CR1: variants seen among roughly 807,000 people sequenced by gnomAD.
CR1 encodes the protein complement receptor type 1.
A neutral mutation model predicts 187.3 loss-of-function variants in CR1; 116 were observed. The ratio of observed to expected loss-of-function variants is 0.62; its 90% CI spans 0.53 to 0.72. The LOEUF is 0.72. CR1 is among the 30% of genes least tolerant of loss of function. The pLI, the probability that CR1 is intolerant of heterozygous loss-of-function variation, is 0.00. For missense variants in CR1, 1,731 were observed against 2,110.7 expected, an observed-to-expected ratio of 0.82 and a Z score of 3.52; for synonymous variants, 576 against 747.1, an observed-to-expected ratio of 0.77 and a Z score of 3.73.
Position 207,623,164 on chromosome 1 carries a change from T to C in CR1, c.7352+96T>C, listed in dbSNP as rs1662365149. 1.1e-5 allele frequency: 9 copies of C among 812,554 alleles called. No individual in the cohort carries two copies. The South Asian group carries it at 1.2e-4, about 11-fold the overall frequency. The allele number at this position is 812,554 out of a possible 1,614,324, so 50.3% of individuals were successfully genotyped here. The stretch of plus-strand genomic sequence containing the variant: ...AAAGACAAACAAACCCATTGCTACA[T>C]AAACAGATGTGGTAATTCTTATAAA... On this transcript the variant is annotated intron_variant, in intron 45 of 46. Transcript: ENST00000367049.
At chr1:207,506,229 C>G in intron 2 of CR1, 146 bp downstream of exon 2, 1 of 951,660 alleles carries the variant, frequency 1.1e-6, no homozygotes, top group Non-Finnish European at 1.5e-6. Context: ...GTAGATCATA[C>G]CTTGTTACTG....
intron 4 of CR1, among the ~76,000 whole-genome samples, chr1:207,519,613 TGTTGCCATACG>T: frequency 6.6e-6 from 1 of 152,338 alleles, no homozygotes; most frequent in Non-Finnish European, 1.5e-5. Flanking sequence ...CTTTTTGTAT[TGTTGCCATACG>T]TTTTGCAAAA....
chr1:207,633,119 CCTTT>C (rs1314688423), intron 46 of CR1, among the ~76,000 whole-genome samples: 4 of 152,188 alleles, frequency 2.6e-5, no homozygotes, highest in African/African-American at 4.8e-5. Flanking sequence ...CACTTTTCCG[CCTTT>C]CTTTCTATCT....
intron 27 of CR1, 146 bp from the exon 28 acceptor site, chr1:207,575,449 T>A: frequency 2.0e-6 from 2 of 986,586 alleles, no homozygotes; most frequent in Non-Finnish European, 1.6e-6. Context: ...GAAAAAGAAA[T>A]AGAAGAGCTG....
chr1:207,611,618 A>T (rs1415277868), intron 37 of CR1, 59 bp from the exon 38 acceptor site: 2 of 1,598,856 alleles, frequency 1.3e-6, no homozygotes, highest in Non-Finnish European at 1.7e-6. Context: ...TAAGCATAAG[A>T]TATAACAAAG....
At chr1:207,523,559 G>T in intron 4 of CR1, 52 bp from the exon 5 acceptor site, 1 of 1,608,184 alleles carries the variant, frequency 6.2e-7, no homozygotes, top group Non-Finnish European at 8.5e-7. Context: ...TGAGATTTCT[G>T]TCATTCATTA....
In CR1 at chr1:207,614,460, T is replaced by G. The variant is rs1662035037; in HGVS notation, c.6632T>G (p.Leu2211Arg). ...TGTGTCTTGGCTGGAATGAAAGCCC[T>G]TTGGAATAGCAGTGTTCCAGTGTGT... ...SHCVLAGMKA[L>R]WNSSVPVCEQ... Residue 2211 changes from leucine (L) to arginine (R), a missense_variant, in exon 40 of 47, where the codon CTT (leucine) becomes CGT (arginine). Physicochemically the swap from Leu to Arg is moderately radical, Grantham distance 102. Coordinates refer to ENST00000367049, the MANE Select transcript of CR1 (RefSeq NM_000651.6). The G allele has an allele frequency of 6.2e-7, 1 of 1,611,436 alleles. No homozygotes were observed. Among genetic ancestry groups the G allele is most frequent in the Non-Finnish European group, 8.5e-7 (1 of 1,178,328 alleles).
chr1:207,617,703 T>C (rs1662190859), intron 41 of CR1, among the ~76,000 whole-genome samples: 1 of 142,362 alleles, frequency 7.0e-6, no homozygotes. Flanking sequence ...TTTGATATAT[T>C]AGTCTGGCTT....
chr1:207,504,320 G>A (rs999127179), intron 1 of CR1, among the ~76,000 whole-genome samples: 27 of 152,072 alleles, frequency 1.8e-4, no homozygotes, highest in African/African-American at 5.5e-4. Context: ...TAGAATTTTA[G>A]GCAAGATTCA....
rs1367883525 is a variant in CR1, at chr1:207,505,903, G to A, written c.122-1G>A. The A allele has an allele frequency of 5.6e-6, 9 of 1,612,516 alleles. No homozygotes were observed. In the African/African-American group the frequency reaches 9.4e-5, roughly 17 times the overall value. On this transcript the variant is annotated splice_acceptor_variant, in intron 1 of 46. Transcript: ENST00000367049. LOFTEE classifies it high-confidence loss of function. ...GATGCTTCTATGGTCTTGATCTCCA[G>A]GTCAATGCAATGCCCCAGAATGGCT...
chr1:207,505,427 G>T (rs1228751770), intron 1 of CR1, among the ~76,000 whole-genome samples: 1 of 152,062 alleles, frequency 6.6e-6, no homozygotes, highest in East Asian at 1.9e-4. Context: ...GCCTCTGAAA[G>T]TGCTGAAATT....
At position 207,518,989 on chromosome 1, in the gene CR1, A is replaced by G. The variant is rs1165446831; in HGVS notation, c.488-4622A>G. Among the ~76,000 whole-genome samples, 3 of 152,178 alleles carry G rather than the reference A, an allele frequency of 2.0e-5. No homozygotes were observed. The East Asian group carries it at 5.8e-4, about 29-fold the overall frequency. ...TGTTCTAGCAATTTTTACTTTATGT[A>G]TTTTAAACATGTTATTAAATGCATG... On this transcript the variant is annotated intron_variant, in intron 4 of 46. Transcript: ENST00000367049.
At chr1:207,496,885 T>A (rs1659105240) in intron 1 of CR1, among the ~76,000 whole-genome samples, 1 of 152,200 alleles carries the variant, frequency 6.6e-6, no homozygotes, top group Non-Finnish European at 1.5e-5. Context: ...TCAGTGGCAT[T>A]AAGCCTGTCG....
chr1:207,496,458 G>T lies in CR1; in HGVS notation c.121+70G>T, dbSNP rs908365973. The T allele has an allele frequency of 2.4e-4, 362 of 1,483,436 alleles. 1 individual carries two copies. The highest frequency in any genetic ancestry group is 3.1e-4 in the Non-Finnish European group (344 of 1,103,456). The allele number at this position is 1,483,436 out of a possible 1,614,324, so 91.9% of individuals were successfully genotyped here. On this transcript the variant is annotated intron_variant, in intron 1 of 46. Coordinates refer to ENST00000367049, the MANE Select transcript of CR1 (RefSeq NM_000651.6). ...ACCCGGGGCCCCGCAGAGAACTCGC[G>T]TGCAGCGCTGAGCTGCGCTGCTCTG... is the stretch of plus-strand genomic sequence containing the variant.
intron 4 of CR1, among the ~76,000 whole-genome samples, chr1:207,519,290 A>C (rs1168678236): frequency 6.6e-6 from 1 of 151,856 alleles, no homozygotes; most frequent in South Asian, 2.1e-4. Flanking sequence ...TTGGAACATT[A>C]AAATTTAATA....
Position 207,641,622 on chromosome 1 carries a change from T to C in CR1, c.*2213T>C, listed in dbSNP as rs915595401. ...CTGGACACCAATTGCCCTATGAAGC[T>C]ATTGCTAGTCCTAACATTCTTTGTT... On this transcript the variant is annotated 3_prime_UTR_variant, in exon 47 of 47. Transcript: ENST00000367049. The C allele has an allele frequency of 6.6e-6, 1 of 152,242 alleles. No individual in the cohort carries two copies. Among genetic ancestry groups the C allele is most frequent in the African/African-American group, 2.4e-5 (1 of 41,466 alleles). The allele number at this position is 152,242 out of a possible 1,614,324, so 9.4% of individuals were successfully genotyped here. A position where few individuals can be genotyped will look rare whatever the true frequency, so the allele number is the denominator to read the frequency against.
chr1:207,634,395 G>A (rs556487630), intron 46 of CR1, among the ~76,000 whole-genome samples: 150 of 152,276 alleles, frequency 9.9e-4, no homozygotes, highest in Non-Finnish European at 1.5e-3. Context: ...TGAATCATCT[G>A]TGGCAAAATA....
At chr1:207,607,542 C>A (rs1184748920) in intron 36 of CR1, among the ~76,000 whole-genome samples, 2 of 152,098 alleles carry the variant, frequency 1.3e-5, no homozygotes, top group African/African-American at 4.8e-5. Flanking sequence ...AGGCAAAATA[C>A]CCTACTTTCC....
intron 4 of CR1, among the ~76,000 whole-genome samples, chr1:207,522,441 T>C (rs548195355): frequency 6.6e-6 from 1 of 152,344 alleles, no homozygotes; most frequent in Non-Finnish European, 1.5e-5. Flanking sequence ...TCCATTGTTG[T>C]CCCTTAACTT....
Sources: gnomAD v4.1 joint callset for allele counts (sites outside exome capture counted in the v4.1 genomes callset) on GRCh38, gnomAD v4.1.1 for gene constraint, MANE v1.5 for transcripts, NCBI Gene and HGNC (gene_info 2026-07-23, HGNC 2026-07-21) for gene names.